CCSER1: variants seen among roughly 807,000 people sequenced by gnomAD.
CCSER1 encodes serine-rich coiled-coil domain-containing protein 1.
CCSER1 carries 41 observed loss-of-function variants against 82.0 expected under a neutral mutation model. That is an observed-to-expected ratio of 0.50 (90% CI 0.39 to 0.65). The LOEUF (loss-of-function observed/expected upper bound fraction) is 0.65, where lower values mean the gene tolerates loss of function less well. CCSER1 is among the 30% of genes least tolerant of loss of function. The pLI is 0.00. For synonymous variants in CCSER1, 414 were observed against 383.9 expected (o/e 1.08, Z -0.92); for missense variants, 1,119 against 1,064.2 (o/e 1.05, Z -0.72).
intron 3 of CCSER1, among the ~76,000 whole-genome samples, chr4:90,340,150 A>G (rs2153503718): frequency 6.6e-6 from 1 of 152,294 alleles, no homozygotes; most frequent in Middle Eastern, 3.4e-3. Flanking sequence ...GGACCTTGCT[A>G]AAACAGGCTT....
chr4:91,528,181 A>C (rs1057285438), intron 10 of CCSER1, among the ~76,000 whole-genome samples: 3 of 152,162 alleles, frequency 2.0e-5, no homozygotes, highest in African/African-American at 7.2e-5. Flanking sequence ...TTGGCCTCTC[A>C]AAGTGCTGGG....
chr4:90,622,100 T>C (rs755530016), intron 5 of CCSER1, among the ~76,000 whole-genome samples: 8 of 152,266 alleles, frequency 5.3e-5, no homozygotes, highest in Non-Finnish European at 1.0e-4. Context: ...TGAGGTGGAG[T>C]GTAGATCAGC....
chr4:90,462,567 A>G (rs1006987009), intron 4 of CCSER1, among the ~76,000 whole-genome samples: 5 of 152,048 alleles, frequency 3.3e-5, no homozygotes, highest in African/African-American at 7.3e-5. Flanking sequence ...GTTGACATAT[A>G]AAACAAACAA....
intron 9 of CCSER1, among the ~76,000 whole-genome samples, chr4:90,976,734 A>G (rs191388323): frequency 8.6e-5 from 13 of 151,616 alleles, no homozygotes; most frequent in Admixed American, 5.3e-4. Flanking sequence ...CAAAGAAAAT[A>G]TTTCTGGAGA....
At chr4:91,144,815 G>C (rs750593356) in intron 10 of CCSER1, among the ~76,000 whole-genome samples, 3 of 151,744 alleles carry the variant, frequency 2.0e-5, no homozygotes, top group Admixed American at 1.3e-4. Context: ...TTCTACTGTG[G>C]TTCTAGAACA....
At chr4:91,404,505 T>A (rs1198491696) in intron 10 of CCSER1, among the ~76,000 whole-genome samples, 3 of 152,224 alleles carry the variant, frequency 2.0e-5, no homozygotes, top group Non-Finnish European at 4.4e-5. Context: ...CAATTTTAGA[T>A]CTTTCCTGCT....
chr4:91,258,325 T>C (rs1192454916), intron 10 of CCSER1, among the ~76,000 whole-genome samples: 2 of 152,086 alleles, frequency 1.3e-5, no homozygotes, highest in Non-Finnish European at 2.9e-5. Flanking sequence ...TAAGATACAA[T>C]AGGATCCAAT....
chr4:90,231,464 A>G (rs1375758135), intron 1 of CCSER1, among the ~76,000 whole-genome samples: 6 of 149,528 alleles, frequency 4.0e-5, no homozygotes, highest in African/African-American at 1.5e-4. Context: ...TATTGATGGG[A>G]CGTATCTCAA....
At chr4:90,950,718 G>A (rs918611867) in intron 9 of CCSER1, among the ~76,000 whole-genome samples, 1 of 152,024 alleles carries the variant, frequency 6.6e-6, no homozygotes, top group Non-Finnish European at 1.5e-5. Flanking sequence ...TGGTTATCTT[G>A]GGTATAGAGA....
intron 10 of CCSER1, among the ~76,000 whole-genome samples, chr4:91,514,082 T>G (rs527392769): frequency 6.6e-6 from 1 of 152,266 alleles, no homozygotes; most frequent in South Asian, 2.1e-4. Flanking sequence ...GACTTTTTAA[T>G]TAGGCATTTA....
chr4:90,228,217 G>A (rs1743631881), intron 1 of CCSER1, among the ~76,000 whole-genome samples: 1 of 152,192 alleles, frequency 6.6e-6, no homozygotes, highest in Non-Finnish European at 1.5e-5. Flanking sequence ...AGACTTAAAT[G>A]TCCCTGTCTG....
chr4:90,713,699 G>C (rs528341313), intron 6 of CCSER1, among the ~76,000 whole-genome samples: 6 of 151,990 alleles, frequency 3.9e-5, no homozygotes, highest in Admixed American at 3.9e-4. Context: ...TGTCTTGCTT[G>C]GTTGGGGAAG....
intron 4 of CCSER1, among the ~76,000 whole-genome samples, chr4:90,467,729 A>T (rs1277854380): frequency 2.0e-5 from 3 of 152,174 alleles, no homozygotes; most frequent in Non-Finnish European, 4.4e-5. Flanking sequence ...ATATGCTCAC[A>T]AAAGAATATG....
At chr4:91,047,917 T>C (rs1389899784) in intron 9 of CCSER1, among the ~76,000 whole-genome samples, 2 of 152,154 alleles carry the variant, frequency 1.3e-5, no homozygotes, top group African/African-American at 4.8e-5. Flanking sequence ...ATCATACTTT[T>C]AGCAATAAAC....
At chr4:90,165,478 G>A (rs967607044) in intron 1 of CCSER1, among the ~76,000 whole-genome samples, 4 of 151,830 alleles carry the variant, frequency 2.6e-5, no homozygotes, top group Non-Finnish European at 4.4e-5. Context: ...AAACCATCTT[G>A]GAAAGGAGAA....
chr4:90,924,919 GTTT>G (rs1182394642), intron 9 of CCSER1, among the ~76,000 whole-genome samples: 2 of 152,086 alleles, frequency 1.3e-5, no homozygotes, highest in Non-Finnish European at 2.9e-5. Flanking sequence ...TAGAGACAGG[GTTT>G]CATCATGTTG....
chr4:90,659,662 A>C (rs1488999474), intron 6 of CCSER1, among the ~76,000 whole-genome samples: 4 of 152,080 alleles, frequency 2.6e-5, no homozygotes, highest in African/African-American at 9.7e-5. Flanking sequence ...AATGAATATT[A>C]CCTAGATAGC....
intron 9 of CCSER1, among the ~76,000 whole-genome samples, chr4:91,064,584 T>A (rs1048931667): frequency 2.6e-5 from 4 of 152,228 alleles, no homozygotes; most frequent in Non-Finnish European, 4.4e-5. Flanking sequence ...ATGCAGGCAC[T>A]CTCTGCCTAT....
chr4:90,563,304 G>T (rs1778998351), intron 5 of CCSER1, among the ~76,000 whole-genome samples: 1 of 152,002 alleles, frequency 6.6e-6, no homozygotes, highest in Non-Finnish European at 1.5e-5. Flanking sequence ...TAGAGACAGG[G>T]TTTCACCATG....
Sources: allele counts gnomAD v4.1 joint callset (sites outside exome capture counted in the v4.1 genomes callset), GRCh38; gene constraint gnomAD v4.1.1; transcripts MANE v1.5; gene names NCBI Gene and HGNC (gene_info 2026-07-23, HGNC 2026-07-21).